ANK3: variants seen among roughly 807,000 people sequenced by gnomAD.
The protein encoded by ANK3 is ankyrin 3, also known as ankyrin-3.
ANK3 carries 57 observed loss-of-function variants against 370.9 expected under a neutral mutation model. That is an observed-to-expected ratio of 0.15 (90% CI 0.12 to 0.19). The LOEUF is 0.19. Ranked by LOEUF, ANK3 falls within the 10% of genes least tolerant of loss-of-function variation. ANK3 has a pLI of 1.00. For synonymous variants in ANK3, 1,929 were observed against 1,946.3 expected (o/e 0.99, Z 0.23); for missense variants, 4,439 against 5,302.1 (o/e 0.84, Z 5.06).
In ANK3 at chr10:60,108,950, G is replaced by A; in HGVS notation, c.3053C>T (p.Thr1018Ile). 5 of 1,614,050 alleles carry A rather than the reference G, an allele frequency of 3.1e-6. No individual in the cohort carries two copies. Among genetic ancestry groups the A allele is most frequent in the Non-Finnish European group, 4.2e-6 (5 of 1,179,970 alleles). ...IIPPRKCTAP[T>I]RITCRLVKRH... Reference sequence around the variant, plus strand: ...CTTTACCAAACGGCAGGTGATTCGAGTGGGGGCCGTACACTTGCGTGGAGG... The same window carrying A: ...CTTTACCAAACGGCAGGTGATTCGAATGGGGGCCGTACACTTGCGTGGAGG... Residue 1018 changes from threonine (T) to isoleucine (I), a missense_variant, in exon 27 of 44, where the codon ACT becomes ATT. Around this residue, in one of 13 missense-constraint regions of ANK3, gnomAD observed 702 missense variants for 941.5 expected, o/e 0.75. Transcript: ENST00000280772.
At chr10:60,231,286 ATCTTCT>A (rs2097240011) in intron 8 of ANK3, among the ~76,000 whole-genome samples, 2 of 152,226 alleles carry the variant, frequency 1.3e-5, no homozygotes, top group Admixed American at 1.3e-4. Flanking sequence ...AGCTCTAAGA[ATCTTCT>A]TTTAAACTGA....
In ANK3 at chr10:60,130,312, C is replaced by G. The variant is rs1485301585; in HGVS notation, c.2841+3959G>C. Among the ~76,000 whole-genome samples, 6 of 152,302 alleles carry G rather than the reference C, an allele frequency of 3.9e-5. No individual in the cohort carries two copies. The East Asian group carries it at 1.2e-3, about 29-fold the overall frequency. On this transcript the variant is annotated intron_variant, in intron 25 of 43. Transcript: ENST00000280772. ...CACTAATCACCCTGGGTCTCAACTA[C>G]ACTTTAACTGTGGTTAATATGCAAA... is the stretch of plus-strand genomic sequence containing the variant.
chr10:60,195,388 C>CAA (rs1320105561), intron 16 of ANK3, among the ~76,000 whole-genome samples: 5,080 of 71,684 alleles, frequency 0.071, 403 homozygotes, highest in African/African-American at 0.23. Context: ...CGTCTCCCTC[C>CAA]AAAAAAAAAA....
intron 2 of ANK3, among the ~76,000 whole-genome samples, chr10:60,446,973 G>A (rs1023540316): frequency 1.6e-4 from 24 of 152,296 alleles, no homozygotes; most frequent in African/African-American, 5.5e-4. Flanking sequence ...ACGGAAGCAG[G>A]AAGTGTCTGC....
chr10:60,247,386 C>T (rs967457559), intron 7 of ANK3, among the ~76,000 whole-genome samples: 48 of 152,216 alleles, frequency 3.2e-4, no homozygotes, highest in Middle Eastern at 3.4e-3. Flanking sequence ...ATATACGTAA[C>T]ATAAAACTTC....
At chr10:60,647,373 G>A (rs2078722672) in intron 1 of ANK3, among the ~76,000 whole-genome samples, 1 of 152,162 alleles carries the variant, frequency 6.6e-6, no homozygotes, top group Admixed American at 6.5e-5. Context: ...AATGTCCTCA[G>A]CAAAGTTTTA....
Position 60,484,444 on chromosome 10 carries a change from G to T in ANK3, c.96+130742C>A, listed in dbSNP as rs10994374. The stretch of plus-strand genomic sequence containing the variant: ...AATGGTAATCTTGGTTATTTTTAAA[G>T]TCCTATCTATTAGAGATATGTGGGA... On this transcript the variant is annotated intron_variant, in intron 2 of 43. Transcript: ENST00000373827. Among the ~76,000 whole-genome samples, 567 of 152,242 alleles carry T rather than the reference G, an allele frequency of 3.7e-3. 2 individuals carry two copies. Among genetic ancestry groups the T allele is most frequent in the African/African-American group, 0.013 (523 of 41,524 alleles).
intron 28 of ANK3, among the ~76,000 whole-genome samples, chr10:60,089,390 G>A (rs920123846): frequency 6.6e-6 from 1 of 151,654 alleles, no homozygotes; most frequent in Non-Finnish European, 1.5e-5. Context: ...TTCAGGCCCT[G>A]TTTTAGTTTG....
intron 2 of ANK3, among the ~76,000 whole-genome samples, chr10:60,569,233 T>C (rs1237444768): frequency 6.6e-6 from 1 of 152,210 alleles, no homozygotes; most frequent in East Asian, 1.9e-4. Flanking sequence ...TACATCAAGC[T>C]TGAAATTCCA....
chr10:60,648,162 T>TTTC (rs1695430157), intron 1 of ANK3, among the ~76,000 whole-genome samples: 1 of 141,550 alleles, frequency 7.1e-6, no homozygotes, highest in African/African-American at 2.6e-5. Flanking sequence ...TTTTTCCTTT[T>TTTC]TTTTTTTTGA....
At chr10:60,582,178 G>A (rs891418684) in intron 2 of ANK3, among the ~76,000 whole-genome samples, 6 of 151,968 alleles carry the variant, frequency 3.9e-5, no homozygotes, top group Non-Finnish European at 7.4e-5. Flanking sequence ...GTAGATGATG[G>A]GTTGATGGGT....
intron 16 of ANK3, among the ~76,000 whole-genome samples, chr10:60,187,822 A>C (rs1380879193): frequency 6.6e-6 from 1 of 152,058 alleles, no homozygotes; most frequent in African/African-American, 2.4e-5. Context: ...ATATAGTCTC[A>C]TGTTTCTCTG....
chr10:60,340,092 A>T lies in ANK3; in HGVS notation c.114+49333T>A, dbSNP rs116418195. ...CATGTATGAAGAGGTACTTTTTAAA[A>T]TTTTATTTTAGAGACAGAATCTTGT... On this transcript the variant is annotated intron_variant, in intron 1 of 43. Coordinates refer to ENST00000280772, the MANE Select transcript of ANK3 (RefSeq NM_020987.5). Among the ~76,000 whole-genome samples the T allele has an allele frequency of 7.0e-3, 1,067 of 152,288 alleles. 8 individuals are homozygous for T. Among genetic ancestry groups the T allele is most frequent in the African/African-American group, 0.025 (1,026 of 41,548 alleles).
chr10:60,723,396 A>G (rs1056846386), intron 1 of ANK3, among the ~76,000 whole-genome samples: 1 of 152,358 alleles, frequency 6.6e-6, no homozygotes, highest in Admixed American at 6.5e-5. Flanking sequence ...TAAGAGGCAC[A>G]TTTAGACAAC....
chr10:60,678,329 GA>G (rs1317918761), intron 1 of ANK3, among the ~76,000 whole-genome samples: 2 of 152,104 alleles, frequency 1.3e-5, no homozygotes, highest in Admixed American at 6.6e-5. Flanking sequence ...GGAAAAAGGA[GA>G]AAAACAAATG....
rs555631711 is a variant in ANK3, at chr10:60,279,329, T to C, written c.217-181A>G. On this transcript the variant is annotated intron_variant, in intron 2 of 43. Transcript: ENST00000280772. The stretch of plus-strand genomic sequence containing the variant: ...CTTCAAAACTGGATGGGTTGTTCTG[T>C]TATCATTATTTACTAAATTTTAGAA... Among the ~76,000 whole-genome samples, 4 of 152,332 alleles carry C rather than the reference T, an allele frequency of 2.6e-5. No homozygotes were observed. The South Asian group carries it at 6.2e-4, about 24-fold the overall frequency.
intron 1 of ANK3, among the ~76,000 whole-genome samples, chr10:60,348,777 G>T (rs910798626): frequency 6.6e-6 from 1 of 152,160 alleles, no homozygotes; most frequent in Non-Finnish European, 1.5e-5. Flanking sequence ...AGCCACACAA[G>T]AAATCAATTT....
chr10:60,093,858 T>C (rs1437158010), intron 28 of ANK3, among the ~76,000 whole-genome samples: 6 of 152,220 alleles, frequency 3.9e-5, no homozygotes, highest in African/African-American at 1.4e-4. Flanking sequence ...ACCCTCCACA[T>C]TCAAATTCTG....
chr10:60,350,229 T>C (rs1314979633), intron 1 of ANK3, among the ~76,000 whole-genome samples: 1 of 152,198 alleles, frequency 6.6e-6, no homozygotes, highest in Non-Finnish European at 1.5e-5. Context: ...CCAATAAATG[T>C]AGGCTAGCTA....
Sources: gnomAD v4.1 joint callset for allele counts (sites outside exome capture counted in the v4.1 genomes callset) on GRCh38, gnomAD v4.1.1 for gene constraint, gnomAD v4.1.1 regional missense constraint, MANE v1.5 for transcripts, NCBI Gene and HGNC (gene_info 2026-07-23, HGNC 2026-07-21) for gene names.